Variants in ZBTB8A observed in about 807,000 individuals in gnomAD.
ZBTB8A encodes the protein zinc finger and BTB domain-containing protein 8A.
ZBTB8A carries 19 observed loss-of-function variants against 37.8 expected under a neutral mutation model. The ratio of observed to expected loss-of-function variants is 0.50; its 90% CI spans 0.35 to 0.74. The LOEUF is 0.74. Among genes scored for constraint, ZBTB8A ranks in the 30% least tolerant of loss-of-function variants. ZBTB8A has a pLI of 0.01. For synonymous variants in ZBTB8A, 181 were observed against 185.2 expected, an observed-to-expected ratio of 0.98 and a Z score of 0.19; for missense variants, 394 against 537.8, an observed-to-expected ratio of 0.73 and a Z score of 2.65.
At chr1:32,550,783 C>T (rs1395494280) in intron 1 of ZBTB8A, among the ~76,000 whole-genome samples, 2 of 151,908 alleles carry the variant, frequency 1.3e-5, no homozygotes, top group South Asian at 2.1e-4. Context: ...ATGGTGAAAC[C>T]CCGCCTCTAC....
At chr1:32,543,919 G>A (rs564977995) in intron 1 of ZBTB8A, among the ~76,000 whole-genome samples, 1 of 151,958 alleles carries the variant, frequency 6.6e-6, no homozygotes, top group Admixed American at 6.6e-5. Flanking sequence ...CTCATGATCC[G>A]CCCGCCTCGG....
In ZBTB8A at chr1:32,602,801, T is replaced by A. The variant is rs1234746054; in HGVS notation, c.*2382T>A. The A allele has an allele frequency of 6.6e-6, 1 of 152,144 alleles. No individual in the cohort carries two copies. Among genetic ancestry groups the A allele is most frequent in the African/African-American group, 2.4e-5 (1 of 41,440 alleles). 9.4% of individuals were successfully genotyped at this position (152,144 alleles called of 1,614,324 possible). The stretch of plus-strand genomic sequence containing the variant: ...CTCCTGATCTCGTGATCCGCCCCCC[T>A]CGGCCTCCCAAAGTGCTGGGATTAC... On this transcript the variant is annotated 3_prime_UTR_variant, in exon 5 of 5. Coordinates refer to ENST00000373510, the MANE Select transcript of ZBTB8A (RefSeq NM_001040441.3).
chr1:32,581,359 TA>T (rs1035998590), intron 2 of ZBTB8A, among the ~76,000 whole-genome samples: 33 of 132,788 alleles, frequency 2.5e-4, no homozygotes, highest in Admixed American at 3.8e-4. Context: ...ATTATATATA[TA>T]TTTTTTTTGA....
At chr1:32,570,739 T>C (rs1273880732) in intron 2 of ZBTB8A, among the ~76,000 whole-genome samples, 1 of 152,202 alleles carries the variant, frequency 6.6e-6, no homozygotes, top group African/African-American at 2.4e-5. Flanking sequence ...TTTTCATATG[T>C]TGATCCTGTA....
At chr1:32,547,056 C>T (rs911844025) in intron 1 of ZBTB8A, among the ~76,000 whole-genome samples, 1 of 151,860 alleles carries the variant, frequency 6.6e-6, no homozygotes, top group East Asian at 1.9e-4. Context: ...CATATACTAC[C>T]ACACACCTGG....
intron 2 of ZBTB8A, among the ~76,000 whole-genome samples, chr1:32,554,933 C>A (rs768521988): frequency 1.3e-5 from 2 of 152,138 alleles, no homozygotes; most frequent in Non-Finnish European, 2.9e-5. Flanking sequence ...TTTTAATTTG[C>A]AGAGAAGGAT....
chr1:32,596,615 G>A (rs998150605), intron 4 of ZBTB8A, among the ~76,000 whole-genome samples: 1 of 151,988 alleles, frequency 6.6e-6, no homozygotes, highest in Non-Finnish European at 1.5e-5. Context: ...ACATTTATGG[G>A]CTTTAGGATC....
chr1:32,567,996 G>A (rs1203309178), intron 2 of ZBTB8A, among the ~76,000 whole-genome samples: 1 of 151,158 alleles, frequency 6.6e-6, no homozygotes, highest in African/African-American at 2.4e-5. Flanking sequence ...AAAAAAATTA[G>A]CCAAGTGTGG....
At chr1:32,567,298 A>G (rs1644287243) in intron 2 of ZBTB8A, among the ~76,000 whole-genome samples, 1 of 152,174 alleles carries the variant, frequency 6.6e-6, no homozygotes, top group South Asian at 2.1e-4. Flanking sequence ...ATCCGCCCGC[A>G]TGATCCAGTC....
intron 2 of ZBTB8A, among the ~76,000 whole-genome samples, chr1:32,592,533 G>A (rs1644497795): frequency 6.6e-6 from 1 of 151,720 alleles, no homozygotes; most frequent in Non-Finnish European, 1.5e-5. Flanking sequence ...TTGAGATAGA[G>A]TCTTGCTCTG....
chr1:32,549,247 A>T (rs1309057732), intron 1 of ZBTB8A, among the ~76,000 whole-genome samples: 1 of 152,142 alleles, frequency 6.6e-6, no homozygotes, highest in African/African-American at 2.4e-5. Context: ...TAATCCCAGC[A>T]CTTTGGGAGG....
intron 2 of ZBTB8A, among the ~76,000 whole-genome samples, chr1:32,579,306 C>T (rs552160861): frequency 5.3e-5 from 8 of 151,796 alleles, no homozygotes; most frequent in Non-Finnish European, 1.0e-4. Context: ...AAAAATTAGC[C>T]GGGGCATGGT....
intron 4 of ZBTB8A, 83 bp downstream of exon 4, chr1:32,595,306 T>C: frequency 7.1e-7 from 1 of 1,411,458 alleles, no homozygotes; most frequent in Non-Finnish European, 9.8e-7. Flanking sequence ...TTCACTCTTG[T>C]TGCCAGGCTG....
chr1:32,557,885 T>A (rs577101318), intron 2 of ZBTB8A, among the ~76,000 whole-genome samples: 1 of 152,322 alleles, frequency 6.6e-6, no homozygotes, highest in South Asian at 2.1e-4. Flanking sequence ...ATCCATAATA[T>A]ACTGACTTCA....
chr1:32,554,371 C>G (rs1268387778), intron 2 of ZBTB8A, among the ~76,000 whole-genome samples: 5 of 151,302 alleles, frequency 3.3e-5, no homozygotes, highest in South Asian at 2.1e-4. Flanking sequence ...TTTGAATACT[C>G]TCTTAAGGAG....
In ZBTB8A at chr1:32,570,519, A is replaced by C. The variant is rs188434607; in HGVS notation, c.-2+16979A>C. Reference sequence around the variant, plus strand: ...CCACTTGAATAGAATTGACATATTAACTGTTTCTTCTAATTCATCTGCATG... The same window carrying C: ...CCACTTGAATAGAATTGACATATTACCTGTTTCTTCTAATTCATCTGCATG... On this transcript the variant is annotated intron_variant, in intron 2 of 4. Coordinates refer to ENST00000373510, the MANE Select transcript of ZBTB8A (RefSeq NM_001040441.3). Among the ~76,000 whole-genome samples, 4 of 152,288 alleles carry C rather than the reference A, an allele frequency of 2.6e-5. No individual in the cohort carries two copies. The East Asian group carries it at 7.7e-4, about 29-fold the overall frequency.
Position 32,596,108 on chromosome 1 carries a change from G to A in ZBTB8A, c.993+885G>A, listed in dbSNP as rs534608347. 2.0e-4 allele frequency among the ~76,000 whole-genome samples: 31 copies of A among 152,076 alleles called. 2 individuals carry two copies. Among genetic ancestry groups the A allele is most frequent in the Admixed American group, 1.6e-3 (25 of 15,280 alleles). Reference sequence around the variant, plus strand: ...TGGTTGGCTGGGCGCGGTGGCTCACGCCTGTAATCCCAGCACTTTGGGAGG... The same window carrying A: ...TGGTTGGCTGGGCGCGGTGGCTCACACCTGTAATCCCAGCACTTTGGGAGG... On this transcript the variant is annotated intron_variant, in intron 4 of 4. Transcript: ENST00000373510.
chr1:32,573,738 C>CTTTTTTT (rs753573244), intron 2 of ZBTB8A, among the ~76,000 whole-genome samples: 11 of 95,008 alleles, frequency 1.2e-4, no homozygotes, highest in African/African-American at 4.2e-4. Flanking sequence ...CCAGCTAAAA[C>CTTTTTTT]TTTTTTTTTT....
At chr1:32,564,199 C>T (rs1301931537) in intron 2 of ZBTB8A, among the ~76,000 whole-genome samples, 1 of 152,130 alleles carries the variant, frequency 6.6e-6, no homozygotes, top group East Asian at 1.9e-4. Flanking sequence ...CTTTATTTCT[C>T]ATTCCTTAGA....
Sources: gnomAD v4.1 joint callset for allele counts (sites outside exome capture counted in the v4.1 genomes callset) on GRCh38, gnomAD v4.1.1 for gene constraint, MANE v1.5 for transcripts, NCBI Gene and HGNC (gene_info 2026-07-23, HGNC 2026-07-21) for gene names.